UBE4A: variants seen among roughly 807,000 people sequenced by gnomAD.
UBE4A encodes the protein ubiquitination factor E4A.
A neutral mutation model predicts 117.9 loss-of-function variants in UBE4A; 48 were observed. The observed-to-expected ratio is 0.41, with a 90% CI of 0.32 to 0.52. UBE4A has a LOEUF of 0.52. Ranked by LOEUF, UBE4A falls within the 20% of genes least tolerant of loss-of-function variation. The pLI, the probability that UBE4A is intolerant of heterozygous loss-of-function variation, is 0.33. For missense variants in UBE4A, 1,067 were observed against 1,296.3 expected (o/e 0.82, Z 2.72); for synonymous variants, 407 against 450.0 (o/e 0.90, Z 1.21).
At chr11:118,381,354 A>C in intron 11 of UBE4A, 37 bp from the exon 12 acceptor site, 1 of 1,612,360 alleles carries the variant, frequency 6.2e-7, no homozygotes, top group Non-Finnish European at 8.5e-7. Flanking sequence ...AGATATACAG[A>C]TGTTTGGCTA....
rs535931265 is a variant in UBE4A, at chr11:118,372,239, A to G, written c.562-268A>G. Among the ~76,000 whole-genome samples the G allele has an allele frequency of 1.2e-4, 19 of 152,318 alleles. No individual in the cohort carries two copies. The East Asian group carries it at 3.5e-3, about 28-fold the overall frequency. ...CACTGCACTCCAGCCTGGGTGACAG[A>G]GCGAGACTCTGTCTCAAAAATCAGA... On this transcript the variant is annotated intron_variant, in intron 5 of 19. Coordinates refer to ENST00000252108, the MANE Select transcript of UBE4A (RefSeq NM_001204077.2).
rs1292223401 is a variant in UBE4A, at chr11:118,397,273, G to A, written c.*833G>A. On this transcript the variant is annotated 3_prime_UTR_variant, in exon 20 of 20. Coordinates refer to ENST00000252108, the MANE Select transcript of UBE4A (RefSeq NM_001204077.2). ...ATATCAACAGTATATCTCAGTGTGT[G>A]AGATATATAAATACACATACACCCC... The A allele has an allele frequency of 1.3e-5, 2 of 152,280 alleles. No homozygotes were observed. The highest frequency in any genetic ancestry group is 3.9e-4 in the East Asian group (2 of 5,186). The allele number at this position is 152,280 out of a possible 1,614,324, so 9.4% of individuals were successfully genotyped here. A position where few individuals can be genotyped will look rare whatever the true frequency, so the allele number is the denominator to read the frequency against.
intron 11 of UBE4A, 79 bp from the exon 12 acceptor site, chr11:118,381,312 G>T (rs1948703310): frequency 1.3e-6 from 2 of 1,536,908 alleles, no homozygotes; most frequent in Non-Finnish European, 1.8e-6. Flanking sequence ...ATTAAGTAGG[G>T]TGAAAGGAAT....
At chr11:118,381,247 G>T in intron 11 of UBE4A, 144 bp from the exon 12 acceptor site, 1 of 929,570 alleles carries the variant, frequency 1.1e-6, no homozygotes, top group South Asian at 2.0e-5. Context: ...TACATTTATT[G>T]ACTTAACGAC....
rs529169310 is a variant in UBE4A at position 118,369,333 on chromosome 11, T to G, written c.296-90T>G. On this transcript the variant is annotated intron_variant, in intron 3 of 19. Transcript: ENST00000252108. The stretch of plus-strand genomic sequence containing the variant: ...CATTCTGGTATTACTTGAGTCAGAT[T>G]TGCAGTTCAAGAGTGATGCTGTCAA... The G allele has an allele frequency of 1.2e-3, 1,026 of 849,484 alleles. 5 individuals are homozygous for G. Among genetic ancestry groups the G allele is most frequent in the South Asian group, 5.5e-3 (355 of 64,986 alleles). 52.6% of individuals were successfully genotyped at this position (849,484 alleles called of 1,614,324 possible).
At chr11:118,396,236 G>A (rs748467399) in intron 19 of UBE4A, 78 bp from the exon 20 acceptor site, 108 of 1,525,248 alleles carry the variant, frequency 7.1e-5, no homozygotes, top group Middle Eastern at 1.7e-4. Flanking sequence ...AAGATGCGAC[G>A]CCCAGGTGTT....
rs544480474 is a variant in UBE4A at position 118,371,693 on chromosome 11, T to C, written c.561+27T>C. 6 of 1,590,192 alleles carry C rather than the reference T, an allele frequency of 3.8e-6. No individual in the cohort carries two copies. In the African/African-American group the frequency reaches 6.7e-5, roughly 18 times the overall value. On this transcript the variant is annotated intron_variant, in intron 5 of 19. Transcript: ENST00000252108. ...TAAAGGAATAATCCCCATTGAATAC[T>C]GTATTGTCCTCTTGGGTATGACTTC...
At chr11:118,368,836 C>T (rs987670545) in intron 3 of UBE4A, 32 bp downstream of exon 3, 1 of 1,609,340 alleles carries the variant, frequency 6.2e-7, no homozygotes, top group Non-Finnish European at 8.5e-7. Context: ...TTATTCTACC[C>T]TTCCTATTTG....
At chr11:118,376,487 C>G (rs1948653480) in intron 9 of UBE4A, 87 bp from the exon 10 acceptor site, 1 of 1,524,320 alleles carries the variant, frequency 6.6e-7, no homozygotes, top group Non-Finnish European at 8.8e-7. Context: ...GAAGATATCA[C>G]TGCTAACAGT....
chr11:118,372,626 G>A lies in UBE4A; in HGVS notation c.681G>A (p.Glu227=). 6.2e-7 allele frequency: 1 copy of A among 1,614,144 alleles called. No homozygotes were observed. The highest frequency in any genetic ancestry group is 8.5e-7 in the Non-Finnish European group (1 of 1,180,036). Residue 227 remains glutamate, a synonymous_variant, in exon 6 of 20, where the codon GAG becomes GAA. Coordinates refer to ENST00000252108, the MANE Select transcript of UBE4A (RefSeq NM_001204077.2). ...PEIYVDQNIH[E]QLVDLMLEAI... ...TCTATGTTGACCAAAACATCCATGA[G>A]CAACTGGTAGATTTGATGTTAGAAG...
chr11:118,369,631 T>C, intron 4 of UBE4A, 96 bp downstream of exon 4: 1 of 775,538 alleles, frequency 1.3e-6, no homozygotes, highest in Non-Finnish European at 2.1e-6. Flanking sequence ...TGTGTCCATA[T>C]GTCCATCCCT....
chr11:118,380,134 C>CAT (rs1555126068), intron 11 of UBE4A, among the ~76,000 whole-genome samples: 3 of 136,938 alleles, frequency 2.2e-5, no homozygotes, highest in South Asian at 2.2e-4. Flanking sequence ...TGTGTGTGTG[C>CAT]GTGTGTGTGT....
rs73613956 is a variant in UBE4A at position 118,382,518 on chromosome 11, T to C, written c.2010-71T>C. 504 of 1,272,580 alleles carry C rather than the reference T, an allele frequency of 4.0e-4. 1 individual carries two copies. In the African/African-American group the frequency reaches 6.7e-3, roughly 17 times the overall value. The allele number at this position is 1,272,580 out of a possible 1,614,324, so 78.8% of individuals were successfully genotyped here. A position where few individuals can be genotyped will look rare whatever the true frequency, so the allele number is the denominator to read the frequency against. On this transcript the variant is annotated intron_variant, in intron 12 of 19. Transcript: ENST00000252108. The stretch of plus-strand genomic sequence containing the variant: ...GGTTTAGGGTGGATTTTGATTCTTA[T>C]GTGGAGAGAACAGAGTCATAAATTT...
chr11:118,372,678 A>C lies in UBE4A; in HGVS notation c.721+12A>C, dbSNP rs1212778300. On this transcript the variant is annotated intron_variant, in intron 6 of 19. Transcript: ENST00000252108. ...CATCCAGGGAGCCCGTGAGTACATG[A>C]ACAAGATCTGTAAGCTTCTACATTT... The C allele has an allele frequency of 6.2e-7, 1 of 1,612,078 alleles. No individual in the cohort carries two copies.
At chr11:118,361,222 A>C (rs1463180863) in intron 1 of UBE4A, among the ~76,000 whole-genome samples, 1 of 151,944 alleles carries the variant, frequency 6.6e-6, no homozygotes, top group Non-Finnish European at 1.5e-5. Context: ...GTTTCACCAC[A>C]TTGGCCAGGC....
At chr11:118,375,949 G>C (rs1325378475) in intron 9 of UBE4A, among the ~76,000 whole-genome samples, 6 of 152,304 alleles carry the variant, frequency 3.9e-5, no homozygotes, top group Non-Finnish European at 7.4e-5. Context: ...GCTGAGTCTT[G>C]AGAGACAAGT....
intron 2 of UBE4A, 152 bp from the exon 3 acceptor site, chr11:118,368,479 A>G (rs1413200396): frequency 1.1e-6 from 1 of 901,202 alleles, no homozygotes; most frequent in Non-Finnish European, 1.7e-6. Flanking sequence ...CCCTATATTT[A>G]ACTTCCCTGA....
chr11:118,378,384 A>G (rs577230547), intron 10 of UBE4A: 1 of 152,358 alleles, frequency 6.6e-6, no homozygotes, highest in South Asian at 2.1e-4. Flanking sequence ...TAGATAAAGA[A>G]GATTCTAGAA....
intron 15 of UBE4A, among the ~76,000 whole-genome samples, chr11:118,385,626 A>C (rs1319239066): frequency 6.6e-6 from 1 of 152,146 alleles, no homozygotes; most frequent in African/African-American, 2.4e-5. Flanking sequence ...GTAGAGCAAA[A>C]CTTCCCTTAC....
Sources: allele counts gnomAD v4.1 joint callset (sites outside exome capture counted in the v4.1 genomes callset), GRCh38; gene constraint gnomAD v4.1.1; transcripts MANE v1.5; gene names NCBI Gene and HGNC (gene_info 2026-07-23, HGNC 2026-07-21).